NSD1: variants seen among roughly 807,000 people sequenced by gnomAD.
The protein encoded by NSD1 is histone-lysine N-methyltransferase, H3 lysine-36 specific.
A neutral mutation model predicts 242.7 loss-of-function variants in NSD1; 26 were observed. That is an observed-to-expected ratio of 0.11 (90% CI 0.08 to 0.15). The LOEUF is 0.15. NSD1 is among the 10% of genes least tolerant of loss of function. NSD1 has a pLI of 1.00. For synonymous variants in NSD1, 1,106 were observed against 1,178.1 expected, an observed-to-expected ratio of 0.94 and a Z score of 1.25; for missense variants, 2,495 against 3,272.8, an observed-to-expected ratio of 0.76 and a Z score of 5.80.
rs1470648737 is a variant in NSD1, at chr5:177,133,803, C to G, written c.-167C>G. ...GGCGGCGGAATAGGCCGGGGCAGGTCGCGCTCGCTGCCTTCTCCCCTGAAG... is the reference window on the plus strand; with the variant it reads ...GGCGGCGGAATAGGCCGGGGCAGGTGGCGCTCGCTGCCTTCTCCCCTGAAG... On this transcript the variant is annotated 5_prime_UTR_variant, in exon 1 of 23. Transcript: ENST00000439151. This position sits in a 1 kb window ranked among gnomAD's most constrained non-coding sequence, Gnocchi z 6.2. 1 of 148,492 alleles carries G rather than the reference C, an allele frequency of 6.7e-6. No individual in the cohort carries two copies. The highest frequency in any genetic ancestry group is 2.5e-5 in the African/African-American group (1 of 40,404). The allele number at this position is 148,492 out of a possible 1,614,324, so 9.2% of individuals were successfully genotyped here.
At chr5:177,251,153 G>A (rs1414575494) in intron 11 of NSD1, among the ~76,000 whole-genome samples, 1 of 150,840 alleles carries the variant, frequency 6.6e-6, no homozygotes, top group Non-Finnish European at 1.5e-5. Flanking sequence ...TTGCGCCATT[G>A]TACTCCATCC....
At chr5:177,274,316 T>C (rs949948599) in intron 17 of NSD1, among the ~76,000 whole-genome samples, 2 of 152,220 alleles carry the variant, frequency 1.3e-5, no homozygotes, top group Non-Finnish European at 2.9e-5. Flanking sequence ...AGCCTTTGTA[T>C]TTTAAACATT....
At chr5:177,181,768 T>G (rs1760708604) in intron 2 of NSD1, among the ~76,000 whole-genome samples, 1 of 151,660 alleles carries the variant, frequency 6.6e-6, no homozygotes, top group Non-Finnish European at 1.5e-5. Context: ...GTGGGTTCTG[T>G]GCTATTTCCT....
chr5:177,254,638 G>A (rs1447654034), intron 12 of NSD1, among the ~76,000 whole-genome samples: 3 of 152,042 alleles, frequency 2.0e-5, no homozygotes, highest in African/African-American at 7.2e-5. Context: ...GGCCTCAGAT[G>A]ATCCACCTGC....
At chr5:177,231,958 G>A (rs1765092575) in intron 5 of NSD1, among the ~76,000 whole-genome samples, 1 of 151,950 alleles carries the variant, frequency 6.6e-6, no homozygotes, top group Non-Finnish European at 1.5e-5. Context: ...TGAGTGTGGT[G>A]GCACTGTCTT....
chr5:177,251,578 C>A, intron 11 of NSD1, 152 bp from the exon 12 acceptor site: 1 of 708,768 alleles, frequency 1.4e-6, no homozygotes, highest in Non-Finnish European at 2.4e-6. Context: ...ACCTTTGTAA[C>A]TAGACTAAAA....
intron 3 of NSD1, among the ~76,000 whole-genome samples, chr5:177,198,797 T>A (rs1054340797): frequency 2.0e-5 from 3 of 152,192 alleles, no homozygotes; most frequent in African/African-American, 7.2e-5. Context: ...TATCCAGGCT[T>A]TAGATTTGTA....
At chr5:177,201,795 GTGA>G (rs1762525588) in intron 3 of NSD1, among the ~76,000 whole-genome samples, 1 of 151,492 alleles carries the variant, frequency 6.6e-6, no homozygotes, top group Non-Finnish European at 1.5e-5. Flanking sequence ...CTGACCTCAG[GTGA>G]TCCGCCTGCC....
Position 177,211,420 on chromosome 5 carries a change from T to C in NSD1, c.3021T>C (p.Ala1007=), listed in dbSNP as rs201312975. The part of the protein sequence containing the change: ...GLLSDKRDLP[A]SGKSRSDCVT... Reference sequence around the variant, plus strand: ...TGTCCGACAAGAGAGACCTCCCTGCTTCTGGTAAAAGTCGTTCAGACTGTG... The same window carrying C: ...TGTCCGACAAGAGAGACCTCCCTGCCTCTGGTAAAAGTCGTTCAGACTGTG... The change falls in exon 5 of 23, where the codon GCT becomes GCC. Residue 1007 remains alanine (A), a synonymous_variant. Transcript: ENST00000439151. The C allele has an allele frequency of 3.9e-4, 627 of 1,614,052 alleles. No individual in the cohort carries two copies. Among genetic ancestry groups the C allele is most frequent in the Non-Finnish European group, 4.8e-4 (561 of 1,180,050 alleles).
chr5:177,214,388 T>C (rs1185237295), intron 5 of NSD1, among the ~76,000 whole-genome samples: 1 of 152,168 alleles, frequency 6.6e-6, no homozygotes, highest in Non-Finnish European at 1.5e-5. Context: ...GTGTGTATTA[T>C]AGTGTCATGA....
At chr5:177,144,521 G>A (rs939254747) in intron 2 of NSD1, among the ~76,000 whole-genome samples, 7 of 151,880 alleles carry the variant, frequency 4.6e-5, no homozygotes, top group African/African-American at 1.7e-4. Context: ...AATTTAATTT[G>A]TGCAATAGGA....
chr5:177,185,840 T>TA (rs1761113100), intron 2 of NSD1, among the ~76,000 whole-genome samples: 1 of 87,202 alleles, frequency 1.1e-5, no homozygotes, highest in South Asian at 2.5e-4. Flanking sequence ...GTTTTATATA[T>TA]TTAAATATAT....
At chr5:177,226,374 T>A (rs921989500) in intron 5 of NSD1, among the ~76,000 whole-genome samples, 2 of 152,366 alleles carry the variant, frequency 1.3e-5, no homozygotes, top group Non-Finnish European at 2.9e-5. Flanking sequence ...TCTCAATTAA[T>A]GGACATTTAG....
chr5:177,196,722 A>G (rs1291397394), intron 3 of NSD1, among the ~76,000 whole-genome samples: 4 of 152,202 alleles, frequency 2.6e-5, no homozygotes, highest in Non-Finnish European at 5.9e-5. Flanking sequence ...TATGAGACAA[A>G]AGGTACATTG....
intron 5 of NSD1, among the ~76,000 whole-genome samples, chr5:177,229,430 A>G (rs1764883778): frequency 6.6e-6 from 1 of 152,198 alleles, no homozygotes; most frequent in Non-Finnish European, 1.5e-5. Flanking sequence ...TATTTGCTAC[A>G]TATCCTGTAT....
chr5:177,281,456 A>G (rs1758875196), intron 18 of NSD1, among the ~76,000 whole-genome samples: 1 of 150,666 alleles, frequency 6.6e-6, no homozygotes. Context: ...AGTTATTTTT[A>G]TATTTACTGT....
In NSD1 at chr5:177,298,854, T is replaced by A. The variant is rs1168855010; in HGVS notation, c.*3395T>A. The stretch of plus-strand genomic sequence containing the variant: ...AAACTTGGATAGGTTTTACCCTTAG[T>A]CCCTATAAGGTGGATTTTACTAAGG... On this transcript the variant is annotated 3_prime_UTR_variant, in exon 23 of 23. Coordinates refer to ENST00000439151, the MANE Select transcript of NSD1 (RefSeq NM_022455.5). 1.7e-5 allele frequency: 4 copies of A among 233,080 alleles called. No homozygotes were observed. The highest frequency in any genetic ancestry group is 3.4e-5 in the Non-Finnish European group (4 of 118,006). The allele number at this position is 233,080 out of a possible 1,614,324, so 14.4% of individuals were successfully genotyped here.
At chr5:177,172,194 G>A (rs1759769473) in intron 2 of NSD1, among the ~76,000 whole-genome samples, 1 of 152,184 alleles carries the variant, frequency 6.6e-6, no homozygotes. Flanking sequence ...ACTTTTGACT[G>A]TGGCAGCCTT....
intron 2 of NSD1, among the ~76,000 whole-genome samples, chr5:177,156,174 A>ATTTTTTTTTTTTTTTT (rs34417228): frequency 1.3e-5 from 1 of 78,008 alleles, no homozygotes; most frequent in African/African-American, 5.4e-5. Flanking sequence ...CTCTTTTCAG[A>ATTTTTTTTTTTTTTTT]TTTTTTTTTT....
Sources: allele counts gnomAD v4.1 joint callset (sites outside exome capture counted in the v4.1 genomes callset), GRCh38; gene constraint gnomAD v4.1.1; non-coding constraint Gnocchi (gnomAD v3.1); transcripts MANE v1.5; gene names NCBI Gene and HGNC (gene_info 2026-07-23, HGNC 2026-07-21).